MAP3K13: variants seen among roughly 807,000 people sequenced by gnomAD.
MAP3K13 encodes mitogen-activated protein kinase kinase kinase 13.
Under a neutral mutation model 104.0 loss-of-function variants are expected in MAP3K13, and 52 were observed. The ratio of observed to expected loss-of-function variants is 0.50; its 90% CI spans 0.40 to 0.63. The LOEUF is 0.63. Ranked by LOEUF, MAP3K13 falls within the 20% of genes least tolerant of loss-of-function variation. The pLI is 0.00. For synonymous variants in MAP3K13, 394 were observed against 442.2 expected, an observed-to-expected ratio of 0.89 and a Z score of 1.37; for missense variants, 914 against 1,218.5, an observed-to-expected ratio of 0.75 and a Z score of 3.72.
intron 2 of MAP3K13, among the ~76,000 whole-genome samples, chr3:185,331,807 C>T (rs1722294468): frequency 6.6e-6 from 1 of 152,104 alleles, no homozygotes; most frequent in South Asian, 2.1e-4. Flanking sequence ...ATGTATCTTT[C>T]CAGAGTTTCT....
intron 3 of MAP3K13, among the ~76,000 whole-genome samples, chr3:185,439,217 G>C (rs984476387): frequency 6.6e-6 from 1 of 152,086 alleles, no homozygotes; most frequent in Admixed American, 6.6e-5. Flanking sequence ...GAGACAGAAA[G>C]AAGTACTTGG....
chr3:185,382,591 G>GTCC (rs1694106676), intron 1 of MAP3K13, among the ~76,000 whole-genome samples: 1 of 152,150 alleles, frequency 6.6e-6, no homozygotes, highest in South Asian at 2.1e-4. Context: ...TGGAGGTGAG[G>GTCC]CCTAGTGGGA....
Position 185,473,154 on chromosome 3 carries a change from A to T in MAP3K13, c.1823A>T (p.Asn608Ile). Residue 608 changes from asparagine (N) to isoleucine (I), a missense_variant, in exon 11 of 14, where the codon AAC becomes ATC. Physicochemically the swap from Asn to Ile is moderately radical, Grantham distance 149 (BLOSUM62 -3). Around this residue, in one of 3 missense-constraint regions of MAP3K13, gnomAD observed 583 missense variants for 737.4 expected, o/e 0.79. Transcript: ENST00000265026. This position sits in a 1 kb window ranked among gnomAD's most constrained non-coding sequence, Gnocchi z 4.9. ...SHSDFAAILK[N>I]QPAQENSPHP... The stretch of plus-strand genomic sequence containing the variant: ...AGTGACTTTGCCGCAATCTTGAAAA[A>T]CCAGCCAGCCCAGGAAAATTCACCC... The T allele has an allele frequency of 6.2e-7, 1 of 1,614,048 alleles. No individual in the cohort carries two copies. Among genetic ancestry groups the T allele is most frequent in the Non-Finnish European group, 8.5e-7 (1 of 1,180,018 alleles).
chr3:185,334,995 A>G (rs1722428128), intron 2 of MAP3K13, among the ~76,000 whole-genome samples: 1 of 152,074 alleles, frequency 6.6e-6, no homozygotes, highest in South Asian at 2.1e-4. Context: ...GTACTGATAA[A>G]TAGACATGGA....
chr3:185,452,283 G>T (rs1355211723), intron 7 of MAP3K13, among the ~76,000 whole-genome samples: 1 of 152,084 alleles, frequency 6.6e-6, no homozygotes, highest in Non-Finnish European at 1.5e-5. Flanking sequence ...GAGTACCGTG[G>T]TCTGATCTCG....
At position 185,315,697 on chromosome 3, in the gene MAP3K13, TAACCACC is replaced by T. The variant is rs1560044463; in HGVS notation, c.-86+30055_-86+30061del. ...GTGTACCCTATTGCAAATGGGATATTAACCACCTTTACTTTCAGGGACCTAATCTGTA... is the reference window on the plus strand; with the variant it reads ...GTGTACCCTATTGCAAATGGGATATTTTTACTTTCAGGGACCTAATCTGTA... On this transcript the variant is annotated intron_variant, in intron 2 of 14. Transcript: ENST00000424227. This position sits in a 1 kb window ranked among gnomAD's most constrained non-coding sequence, Gnocchi z 4.3. Among the ~76,000 whole-genome samples, 1 of 152,230 alleles carries T rather than the reference TAACCACC, an allele frequency of 6.6e-6. No homozygotes were observed. Among genetic ancestry groups the T allele is most frequent in the Non-Finnish European group, 1.5e-5 (1 of 68,042 alleles).
intron 2 of MAP3K13, among the ~76,000 whole-genome samples, chr3:185,312,387 C>G (rs538281106): frequency 6.6e-6 from 1 of 152,166 alleles, no homozygotes; most frequent in African/African-American, 2.4e-5. Context: ...TCAAGGGTCA[C>G]GCAGAGAGAT....
chr3:185,351,038 C>A (rs942877294), intron 2 of MAP3K13, among the ~76,000 whole-genome samples: 2 of 152,170 alleles, frequency 1.3e-5, no homozygotes, highest in African/African-American at 4.8e-5. Context: ...CATAAAAAAG[C>A]ATGAGATAAT....
Position 185,337,789 on chromosome 3 carries a change from T to C in MAP3K13, c.-86+52146T>C, listed in dbSNP as rs566001100. ...TCACCTCTAGGCTGTCTTTCCATTGTCTGTCCAGTTTTCAGAATTTAATAA... is the reference window on the plus strand; with the variant it reads ...TCACCTCTAGGCTGTCTTTCCATTGCCTGTCCAGTTTTCAGAATTTAATAA... On this transcript the variant is annotated intron_variant, in intron 2 of 14. Coordinates refer to the MAP3K13 transcript ENST00000424227. Among the ~76,000 whole-genome samples the C allele has an allele frequency of 5.3e-5, 8 of 151,878 alleles. No homozygotes were observed. The South Asian group carries it at 1.7e-3, about 32-fold the overall frequency.
In MAP3K13 at chr3:185,325,233, A is replaced by G. The variant is rs559021198; in HGVS notation, c.-86+39590A>G. ...CTAAAACCAAAATGTGAAATGTAAA[A>G]AGGTTGTATGTAGGACCCTGTGTTT... On this transcript the variant is annotated intron_variant, in intron 2 of 14. Coordinates refer to the MAP3K13 transcript ENST00000424227. Among the ~76,000 whole-genome samples, 8 of 152,332 alleles carry G rather than the reference A, an allele frequency of 5.3e-5. No individual in the cohort carries two copies. In the East Asian group the frequency reaches 5.8e-4, roughly 11 times the overall value.
At chr3:185,327,682 C>T (rs1304153970) in intron 2 of MAP3K13, among the ~76,000 whole-genome samples, 2 of 152,100 alleles carry the variant, frequency 1.3e-5, no homozygotes, top group Non-Finnish European at 1.5e-5. Flanking sequence ...GAGGCCAAGG[C>T]GGGCAAATCA....
chr3:185,427,376 A>T (rs1714488888), intron 1 of MAP3K13, among the ~76,000 whole-genome samples: 1 of 152,074 alleles, frequency 6.6e-6, no homozygotes, highest in South Asian at 2.1e-4. Flanking sequence ...AAAAAAGAAA[A>T]AAAAACATAC....
chr3:185,473,738 C>G lies in MAP3K13; in HGVS notation c.2407C>G (p.Arg803Gly), dbSNP rs764483324. Residue 803 changes from arginine (R) to glycine (G), a missense_variant, in exon 11 of 14, where the codon CGA (arginine) becomes GGA (glycine). By Grantham distance (125) the Arg-to-Gly change is moderately radical. Around this residue, in one of 3 missense-constraint regions of MAP3K13, gnomAD observed 583 missense variants for 737.4 expected, o/e 0.79. Transcript: ENST00000265026. The surrounding 1 kb of genome is among the most constrained non-coding windows in gnomAD (Gnocchi z 4.9). Reference sequence around the variant, plus strand: ...TCTCGGCACCCCTCCAGCGCTACCTCGAAAAACAAGGCCTCTGCAGAAGGT... The same window carrying G: ...TCTCGGCACCCCTCCAGCGCTACCTGGAAAAACAAGGCCTCTGCAGAAGGT... ...SHLGTPPALPRKTRPLQKSGD... is the reference protein window; with the variant it reads ...SHLGTPPALPGKTRPLQKSGD... 1 of 1,612,930 alleles carries G rather than the reference C, an allele frequency of 6.2e-7. No individual in the cohort carries two copies. The highest frequency in any genetic ancestry group is 8.5e-7 in the Non-Finnish European group (1 of 1,179,692).
chr3:185,358,109 A>T (rs1723442163), intron 2 of MAP3K13, among the ~76,000 whole-genome samples: 1 of 152,208 alleles, frequency 6.6e-6, no homozygotes, highest in South Asian at 2.1e-4. Flanking sequence ...AATAAGGTTA[A>T]CCATAGAGTA....
intron 10 of MAP3K13, among the ~76,000 whole-genome samples, chr3:185,469,589 G>A (rs1327277087): frequency 1.3e-5 from 2 of 152,176 alleles, no homozygotes; most frequent in African/African-American, 4.8e-5. Context: ...CTTAATACCT[G>A]GAACTTCCAT....
intron 1 of MAP3K13, among the ~76,000 whole-genome samples, chr3:185,404,112 C>T (rs1206821105): frequency 1.3e-5 from 2 of 152,220 alleles, no homozygotes; most frequent in Non-Finnish European, 2.9e-5. Flanking sequence ...TTATCTGCAG[C>T]AGTAGCAGCC....
At chr3:185,415,573 A>ATTTTTTTTTTTTTTTTTTTTTT (rs34633048) in intron 1 of MAP3K13, among the ~76,000 whole-genome samples, 1 of 119,452 alleles carries the variant, frequency 8.4e-6, no homozygotes, top group Non-Finnish European at 1.7e-5. Flanking sequence ...AGAAGGGTTA[A>ATTTTTTTTTTTTTTTTTTTTTT]TTTCTTTTTT....
At chr3:185,322,700 A>G (rs1721909072) in intron 2 of MAP3K13, among the ~76,000 whole-genome samples, 2 of 152,178 alleles carry the variant, frequency 1.3e-5, no homozygotes, top group Admixed American at 6.5e-5. Flanking sequence ...TCACTCTCAC[A>G]TCCCCGGTGC....
At chr3:185,417,651 A>T in intron 1 of MAP3K13, 1 of 1,612,088 alleles carries the variant, frequency 6.2e-7, no homozygotes, top group Non-Finnish European at 8.5e-7. Context: ...TACCTACCAC[A>T]GGCTTCTTGC....
Sources: allele counts gnomAD v4.1 joint callset (sites outside exome capture counted in the v4.1 genomes callset), GRCh38; gene constraint gnomAD v4.1.1; regional missense constraint gnomAD v4.1.1; non-coding constraint Gnocchi (gnomAD v3.1); transcripts MANE v1.5; gene names NCBI Gene and HGNC (gene_info 2026-07-23, HGNC 2026-07-21).